Variants in SEC62 observed in about 807,000 individuals in gnomAD.
The protein encoded by SEC62 is translocation protein SEC62.
In SEC62, 10 loss-of-function variants were observed where a neutral mutation model predicts 47.5. That is an observed-to-expected ratio of 0.21 (90% confidence interval 0.13 to 0.36). SEC62 has a LOEUF of 0.36. Among genes scored for constraint, SEC62 ranks in the 10% least tolerant of loss-of-function variants. The pLI is 1.00. For synonymous variants in SEC62, 136 were observed against 150.5 expected, an observed-to-expected ratio of 0.90 and a Z score of 0.71; for missense variants, 327 against 464.1, an observed-to-expected ratio of 0.70 and a Z score of 2.71.
Position 169,992,739 on chromosome 3 carries a change from C to T in SEC62, c.876C>T (p.Asp292=), listed in dbSNP as rs1198576439. The T allele has an allele frequency of 6.2e-7, 1 of 1,613,938 alleles. No individual in the cohort carries two copies. Among genetic ancestry groups the T allele is most frequent in the African/African-American group, 1.3e-5 (1 of 74,922 alleles). Residue 292 remains aspartate (D), a synonymous_variant, in exon 8 of 8, where the codon GAC becomes GAT. Transcript: ENST00000337002. The surrounding 1 kb of genome is among the most constrained non-coding windows in gnomAD (Gnocchi z 4.0). ...ATGAATACAAAGGACCAAAAGCAGACTTAAAGAAAGATGAGAAGTCTGAAA... is the reference window on the plus strand; with the variant it reads ...ATGAATACAAAGGACCAAAAGCAGATTTAAAGAAAGATGAGAAGTCTGAAA... ...YTHEYKGPKA[D]LKKDEKSETK...
In SEC62 at chr3:169,977,065, C is replaced by G. The variant is rs1410871646; in HGVS notation, c.251+14C>G. ...CTACTGCAACAGGTACTGTTTATTT[C>G]TTAGTGAAGAATAACATAATAATTT... On this transcript the variant is annotated intron_variant, in intron 3 of 7. Coordinates refer to ENST00000337002, the MANE Select transcript of SEC62 (RefSeq NM_003262.4). 1.9e-6 allele frequency: 3 copies of G among 1,547,348 alleles called. No individual in the cohort carries two copies. The highest frequency in any genetic ancestry group is 1.8e-5 in the Admixed American group (1 of 56,876).
At chr3:169,978,983 A>G (rs1434496765) in intron 3 of SEC62, among the ~76,000 whole-genome samples, 1 of 152,198 alleles carries the variant, frequency 6.6e-6, no homozygotes, top group African/African-American at 2.4e-5. Context: ...TAATGGAGCT[A>G]TTAGATCTGT....
intron 3 of SEC62, 108 bp from the exon 4 acceptor site, chr3:169,982,599 G>A: frequency 7.5e-7 from 1 of 1,329,420 alleles, no homozygotes; most frequent in Non-Finnish European, 1.1e-6. Flanking sequence ...TTTCTCTTGT[G>A]TTGCTAATTT....
At chr3:169,982,053 A>G (rs1396139907) in intron 3 of SEC62, among the ~76,000 whole-genome samples, 1 of 152,134 alleles carries the variant, frequency 6.6e-6, no homozygotes, top group East Asian at 1.9e-4. Flanking sequence ...GAGAGAAAAC[A>G]ATCTATTTAG....
chr3:169,992,805 C>G lies in SEC62; in HGVS notation c.942C>G (p.Asp314Glu). The G allele has an allele frequency of 6.2e-7, 1 of 1,613,596 alleles. No homozygotes were observed. Among genetic ancestry groups the G allele is most frequent in the Non-Finnish European group, 8.5e-7 (1 of 1,179,946 alleles). ...QQKSDSEEKS[D>E]SEKKEDEEGK... ...AGTCCGACAGTGAGGAAAAGTCAGACAGTGAGAAAAAGGAAGATGAGGAGG... is the reference window on the plus strand; with the variant it reads ...AGTCCGACAGTGAGGAAAAGTCAGAGAGTGAGAAAAAGGAAGATGAGGAGG... Residue 314 changes from aspartate (D) to glutamate (E), a missense_variant, in exon 8 of 8, where the codon GAC (aspartate) becomes GAG (glutamate). Around this residue, in one of 3 missense-constraint regions of SEC62, gnomAD observed 102 missense variants for 108.8 expected, o/e 0.94. Coordinates refer to ENST00000337002, the MANE Select transcript of SEC62 (RefSeq NM_003262.4). This position sits in a 1 kb window ranked among gnomAD's most constrained non-coding sequence, Gnocchi z 4.0.
At chr3:169,989,166 T>C (rs1190861452) in intron 7 of SEC62, among the ~76,000 whole-genome samples, 1 of 150,388 alleles carries the variant, frequency 6.6e-6, no homozygotes, top group Non-Finnish European at 1.5e-5. Flanking sequence ...AGATCATAGC[T>C]CACTGCAGCC....
In SEC62 at chr3:169,992,536, T is replaced by C; in HGVS notation, c.731-58T>C. 1 of 1,146,524 alleles carries C rather than the reference T, an allele frequency of 8.7e-7. No homozygotes were observed. The highest frequency in any genetic ancestry group is 1.3e-6 in the Non-Finnish European group (1 of 787,570). The allele number at this position is 1,146,524 out of a possible 1,614,324, so 71.0% of individuals were successfully genotyped here. A position where few individuals can be genotyped will look rare whatever the true frequency, so the allele number is the denominator to read the frequency against. On this transcript the variant is annotated intron_variant, in intron 7 of 7. Coordinates refer to ENST00000337002, the MANE Select transcript of SEC62 (RefSeq NM_003262.4). The surrounding 1 kb of genome is among the most constrained non-coding windows in gnomAD (Gnocchi z 4.0). ...GTTTTCCCAGCTTTTTATTAACAAATACTCCCTTCTGAGGCAGTGTTTGAA... is the reference window on the plus strand; with the variant it reads ...GTTTTCCCAGCTTTTTATTAACAAACACTCCCTTCTGAGGCAGTGTTTGAA...
Position 169,995,875 on chromosome 3 carries a change from C to G in SEC62, c.*2812C>G, listed in dbSNP as rs1373980906. The G allele has an allele frequency of 6.6e-6, 1 of 152,118 alleles. No individual in the cohort carries two copies. The highest frequency in any genetic ancestry group is 1.5e-5 in the Non-Finnish European group (1 of 68,032). 9.4% of individuals were successfully genotyped at this position (152,118 alleles called of 1,614,324 possible). On this transcript the variant is annotated 3_prime_UTR_variant, in exon 8 of 8. Transcript: ENST00000337002. ...TTAACATTGAAGTCATGACCAACAA[C>G]ACTGTAACTCATGCCTGAATGAAGC...
chr3:169,979,613 C>T (rs960193992), intron 3 of SEC62, among the ~76,000 whole-genome samples: 4 of 152,272 alleles, frequency 2.6e-5, no homozygotes, highest in African/African-American at 9.6e-5. Context: ...TTTCCCTAAA[C>T]GGTTCTGTTT....
Position 169,983,256 on chromosome 3 carries a change from G to T in SEC62, c.549+3G>T. On this transcript the variant is annotated splice_donor_region_variant and intron_variant, in intron 5 of 7. Transcript: ENST00000337002. Reference sequence around the variant, plus strand: ...AGGTTTTTCTGGATGGAAATGAGGTGAGAGTAAGCCTATAACTAGAAGTTC... The same window carrying T: ...AGGTTTTTCTGGATGGAAATGAGGTTAGAGTAAGCCTATAACTAGAAGTTC... 1.2e-6 allele frequency: 2 copies of T among 1,604,438 alleles called. No homozygotes were observed. Among genetic ancestry groups the T allele is most frequent in the South Asian group, 2.2e-5 (2 of 90,298 alleles).
Position 169,966,843 on chromosome 3 carries a change from C to G in SEC62, c.21C>G (p.His7Gln), listed in dbSNP as rs1228831361. The G allele has an allele frequency of 1.3e-6, 2 of 1,556,310 alleles. No homozygotes were observed. The highest frequency in any genetic ancestry group is 1.7e-6 in the Non-Finnish European group (2 of 1,149,758). Residue 7 changes from histidine (H) to glutamine (Q), a missense_variant, in exon 1 of 8, where the codon CAC becomes CAG. Coordinates refer to ENST00000337002, the MANE Select transcript of SEC62 (RefSeq NM_003262.4). The part of the protein sequence containing the change: MAERRR[H>Q]KKRIQEVGEP... Reference sequence around the variant, plus strand: ...CCAACATGGCGGAACGCAGGAGACACAAGAAGCGGATCCAGGTAGCAAAGC... The same window carrying G: ...CCAACATGGCGGAACGCAGGAGACAGAAGAAGCGGATCCAGGTAGCAAAGC...
rs1270091442 is a variant in SEC62, at chr3:169,994,091, A to G, written c.*1028A>G. 6.6e-6 allele frequency: 1 copy of G among 152,588 alleles called. No individual in the cohort carries two copies. The highest frequency in any genetic ancestry group is 1.5e-5 in the Non-Finnish European group (1 of 68,040). 9.5% of individuals were successfully genotyped at this position (152,588 alleles called of 1,614,324 possible). ...TTTACATTCAGAAATGAGATACTGT[A>G]TTATCAGACCAGGAGGCATTGCTGT... On this transcript the variant is annotated 3_prime_UTR_variant, in exon 8 of 8. Transcript: ENST00000337002.
At chr3:169,985,551 T>G in intron 5 of SEC62, 1 of 286,456 alleles carries the variant, frequency 3.5e-6, no homozygotes, top group South Asian at 9.1e-5. Context: ...AAACAAATTT[T>G]TAAGTGTATG....
chr3:169,979,280 C>T (rs1714916127), intron 3 of SEC62, among the ~76,000 whole-genome samples: 1 of 152,166 alleles, frequency 6.6e-6, no homozygotes, highest in Non-Finnish European at 1.5e-5. Flanking sequence ...CAATAGCAGA[C>T]AAAATCACAA....
rs377422985 is a variant in SEC62, at chr3:169,966,807, G to C, written c.-16G>C. 26 of 1,552,416 alleles carry C rather than the reference G, an allele frequency of 1.7e-5. No individual in the cohort carries two copies. The South Asian group carries it at 2.5e-4, about 15-fold the overall frequency. On this transcript the variant is annotated 5_prime_UTR_variant, in exon 1 of 8. Transcript: ENST00000337002. Reference sequence around the variant, plus strand: ...TCCTCGCTCCACGTCAGAGGGAACCGGGCGGAGCGGCCAACATGGCGGAAC... The same window carrying C: ...TCCTCGCTCCACGTCAGAGGGAACCCGGCGGAGCGGCCAACATGGCGGAAC...
intron 6 of SEC62, among the ~76,000 whole-genome samples, chr3:169,987,076 A>T (rs1046981764): frequency 4.6e-5 from 7 of 152,054 alleles, no homozygotes; most frequent in Non-Finnish European, 8.8e-5. Flanking sequence ...AAAAAAAAAA[A>T]ATAGGTAGCA....
Position 169,977,071 on chromosome 3 carries a change from G to T in SEC62, c.251+20G>T. ...CAACAGGTACTGTTTATTTCTTAGT[G>T]AAGAATAACATAATAATTTTAAATT... On this transcript the variant is annotated intron_variant, in intron 3 of 7. Coordinates refer to ENST00000337002, the MANE Select transcript of SEC62 (RefSeq NM_003262.4). 1 of 1,528,054 alleles carries T rather than the reference G, an allele frequency of 6.5e-7. No individual in the cohort carries two copies. Among genetic ancestry groups the T allele is most frequent in the South Asian group, 1.2e-5 (1 of 84,742 alleles). The allele number at this position is 1,528,054 out of a possible 1,614,324, so 94.7% of individuals were successfully genotyped here. A position where few individuals can be genotyped will look rare whatever the true frequency, so the allele number is the denominator to read the frequency against.
intron 3 of SEC62, among the ~76,000 whole-genome samples, chr3:169,978,761 C>T (rs148635501): frequency 2.1e-4 from 32 of 152,200 alleles, no homozygotes; most frequent in Non-Finnish European, 4.3e-4. Flanking sequence ...TCCTTACCTG[C>T]CACAAAACTG....
At chr3:169,975,347 G>GA (rs1474776278) in intron 1 of SEC62, 6 of 294,956 alleles carry the variant, frequency 2.0e-5, no homozygotes, top group African/African-American at 1.3e-4. Flanking sequence ...TACCATTGTG[G>GA]AAAAAACAAC....
Sources: allele counts gnomAD v4.1 joint callset (sites outside exome capture counted in the v4.1 genomes callset), GRCh38; gene constraint gnomAD v4.1.1; regional missense constraint gnomAD v4.1.1; non-coding constraint Gnocchi (gnomAD v3.1); transcripts MANE v1.5; gene names NCBI Gene and HGNC (gene_info 2026-07-23, HGNC 2026-07-21).